The following PDE4D variants were observed in gnomAD, a reference collection of about 807,000 sequenced individuals.
PDE4D encodes 3',5'-cyclic-AMP phosphodiesterase 4D.
In PDE4D, 24 loss-of-function variants were observed where a neutral mutation model predicts 87.4. The observed-to-expected ratio is 0.27, with a 90% CI of 0.20 to 0.39. PDE4D has a LOEUF of 0.39. Ranked by LOEUF, PDE4D falls within the 10% of genes least tolerant of loss-of-function variation. The pLI is 1.00. For synonymous variants in PDE4D, 384 were observed against 383.2 expected (o/e 1.00, Z -0.02); for missense variants, 714 against 1,041.0 (o/e 0.69, Z 4.32).
At chr5:59,713,362 G>A (rs57413746) in intron 1 of PDE4D, among the ~76,000 whole-genome samples, 10,233 of 152,206 alleles carry the variant, frequency 0.067, 1,062 homozygotes, top group African/African-American at 0.22. Context: ...CACGTAAGGC[G>A]CATTAGGTGA....
chr5:59,622,320 T>G (rs966686065), intron 1 of PDE4D, among the ~76,000 whole-genome samples: 1 of 152,264 alleles, frequency 6.6e-6, no homozygotes, highest in Non-Finnish European at 1.5e-5. Context: ...TTGGGACAAA[T>G]TTAAAAGGTC....
At chr5:59,552,823 T>G (rs1042301762) in intron 1 of PDE4D, among the ~76,000 whole-genome samples, 2 of 152,138 alleles carry the variant, frequency 1.3e-5, no homozygotes, top group Non-Finnish European at 2.9e-5. Flanking sequence ...AAATGCAAGA[T>G]TCAATTTACC....
At chr5:60,101,908 T>C (rs550926388) in intron 2 of PDE4D, among the ~76,000 whole-genome samples, 63 of 152,278 alleles carry the variant, frequency 4.1e-4, no homozygotes, top group African/African-American at 1.4e-3. Flanking sequence ...TTAGTATTCT[T>C]TTCTGCTGCC....
At position 58,976,372 on chromosome 5, in the gene PDE4D, T is replaced by C; in HGVS notation, c.1808A>G (p.Asp603Gly). Residue 603 changes from aspartate to glycine, a missense_variant, in exon 13 of 15, where the codon GAT becomes GGT. Asp to Gly is a moderately conservative substitution (Grantham distance 94). Coordinates refer to ENST00000340635, the MANE Select transcript of PDE4D (RefSeq NM_001104631.2). ...KVTSSGVLLL[D>G]NYSDRIQVLQ... ...TACCTGAATCCTATCGGAATAATTA[T>C]CAAGAAGAAGAACTCCAGAGCTTGT... is the stretch of plus-strand genomic sequence containing the variant. 6.2e-7 allele frequency: 1 copy of C among 1,610,970 alleles called. No homozygotes were observed.
intron 2 of PDE4D, among the ~76,000 whole-genome samples, chr5:60,018,065 T>C (rs181915992): frequency 6.6e-6 from 1 of 152,312 alleles, no homozygotes; most frequent in Non-Finnish European, 1.5e-5. Flanking sequence ...GAGCTTTTTC[T>C]CATGTGTCTG....
At chr5:60,102,936 C>A (rs1052249776) in intron 2 of PDE4D, among the ~76,000 whole-genome samples, 1 of 150,632 alleles carries the variant, frequency 6.6e-6, no homozygotes, top group Non-Finnish European at 1.5e-5. Flanking sequence ...TTTTTAGTTT[C>A]TTTTCTACTT....
chr5:59,050,215 C>T (rs750218684), intron 5 of PDE4D, among the ~76,000 whole-genome samples: 8 of 152,064 alleles, frequency 5.3e-5, no homozygotes, highest in East Asian at 1.9e-4. Flanking sequence ...TACAGTGAGC[C>T]GAGATTGTGC....
At chr5:59,733,771 T>G (rs1757710683) in intron 1 of PDE4D, among the ~76,000 whole-genome samples, 1 of 152,078 alleles carries the variant, frequency 6.6e-6, no homozygotes, top group African/African-American at 2.4e-5. Context: ...TTCACAGTCT[T>G]TAATTTCTTA....
In PDE4D at chr5:59,893,278, G is replaced by A. The variant is rs1269617839; in HGVS notation, c.345C>T (p.Tyr115=). Reference sequence around the variant, plus strand: ...TGCGGTCCATGGCGCGACAGTACAGGTAGCGCTCGGTGTCCGAGTAGCCGC... The same window carrying A: ...TGCGGTCCATGGCGCGACAGTACAGATAGCGCTCGGTGTCCGAGTAGCCGC... The part of the protein sequence containing the change: ...RHRGYSDTER[Y]LYCRAMDRTS... Residue 115 remains tyrosine, a synonymous_variant, in exon 1 of 15, where the codon TAC becomes TAT. Transcript: ENST00000340635. The A allele has an allele frequency of 1.4e-5, 21 of 1,547,940 alleles. No homozygotes were observed. The Admixed American group carries it at 2.2e-4, about 16-fold the overall frequency.
rs1832085183 is a variant in PDE4D, at chr5:59,635,255, C to T, written c.455+257913G>A. ...ATTGAGGCAGTAATTAATAACTTACCAACCAAAAAAAGCCCAGGACCAGAT... is the reference window on the plus strand; with the variant it reads ...ATTGAGGCAGTAATTAATAACTTACTAACCAAAAAAAGCCCAGGACCAGAT... On this transcript the variant is annotated intron_variant, in intron 1 of 14. Coordinates refer to ENST00000340635, the MANE Select transcript of PDE4D (RefSeq NM_001104631.2). Among the ~76,000 whole-genome samples, 5 of 151,966 alleles carry T rather than the reference C, an allele frequency of 3.3e-5. No homozygotes were observed. The South Asian group carries it at 1.0e-3, about 32-fold the overall frequency.
chr5:60,280,267 C>A (rs1751765067), intron 1 of PDE4D, among the ~76,000 whole-genome samples: 1 of 151,130 alleles, frequency 6.6e-6, no homozygotes, highest in Non-Finnish European at 1.5e-5. Flanking sequence ...AGCTAGTCTG[C>A]CTTCTGCCTT....
chr5:59,234,896 C>T (rs904610853), intron 1 of PDE4D, among the ~76,000 whole-genome samples: 3 of 148,740 alleles, frequency 2.0e-5, no homozygotes, highest in African/African-American at 7.5e-5. Context: ...AAACTCAAAT[C>T]GAGTTTTTTT....
At chr5:59,435,387 A>G (rs2153633603) in intron 1 of PDE4D, among the ~76,000 whole-genome samples, 1 of 152,290 alleles carries the variant, frequency 6.6e-6, no homozygotes, top group East Asian at 1.9e-4. Flanking sequence ...GCCACAAATA[A>G]CACTTGGTAG....
At chr5:59,542,238 A>G (rs1816481904) in intron 1 of PDE4D, among the ~76,000 whole-genome samples, 1 of 152,026 alleles carries the variant, frequency 6.6e-6, no homozygotes, top group Non-Finnish European at 1.5e-5. Context: ...AATCCCTCAC[A>G]GCCACCCAAA....
chr5:60,107,933 G>A (rs566597986), intron 2 of PDE4D, among the ~76,000 whole-genome samples: 86 of 152,118 alleles, frequency 5.7e-4, no homozygotes, highest in African/African-American at 1.9e-3. Flanking sequence ...GAATCATTCC[G>A]TTTGAAAACT....
intron 5 of PDE4D, among the ~76,000 whole-genome samples, chr5:59,040,902 T>G (rs1056966916): frequency 6.6e-6 from 1 of 152,218 alleles, no homozygotes; most frequent in Non-Finnish European, 1.5e-5. Context: ...ATTTTTGAGA[T>G]AGCTTTTTAT....
At chr5:59,747,980 T>A (rs892892184) in intron 1 of PDE4D, among the ~76,000 whole-genome samples, 3 of 152,202 alleles carry the variant, frequency 2.0e-5, no homozygotes, top group African/African-American at 7.2e-5. Context: ...TATCTCATTT[T>A]TCTTCCTATC....
chr5:60,046,129 T>C (rs1769207982), intron 2 of PDE4D, among the ~76,000 whole-genome samples: 1 of 152,232 alleles, frequency 6.6e-6, no homozygotes, highest in South Asian at 2.1e-4. Flanking sequence ...TTTGAAGCAA[T>C]TGTGAATGGT....
chr5:59,501,231 A>T (rs779187870), intron 1 of PDE4D, among the ~76,000 whole-genome samples: 14 of 152,184 alleles, frequency 9.2e-5, no homozygotes, highest in Non-Finnish European at 1.9e-4. Flanking sequence ...TGTGTAGCCT[A>T]ATCTGTCAGC....
Sources: allele counts gnomAD v4.1 joint callset (sites outside exome capture counted in the v4.1 genomes callset), GRCh38; gene constraint gnomAD v4.1.1; transcripts MANE v1.5; gene names NCBI Gene and HGNC (gene_info 2026-07-23, HGNC 2026-07-21).